PRTG: variants seen among roughly 807,000 people sequenced by gnomAD.
The protein encoded by PRTG is immunoglobulin superfamily, DCC subclass, member 5.
A neutral mutation model predicts 122.5 loss-of-function variants in PRTG; 67 were observed. The observed-to-expected ratio is 0.55, with a 90% confidence interval of 0.45 to 0.67. PRTG has a LOEUF of 0.67. Among genes scored for constraint, PRTG ranks in the 30% least tolerant of loss-of-function variants. The pLI, the probability that PRTG is intolerant of heterozygous loss-of-function variation, is 0.00. For missense variants in PRTG, 1,435 were observed against 1,415.4 expected, an observed-to-expected ratio of 1.01 and a Z score of -0.22; for synonymous variants, 554 against 501.1, an observed-to-expected ratio of 1.11 and a Z score of -1.41.
chr15:55,628,233 C>T (rs953473714), intron 16 of PRTG, among the ~76,000 whole-genome samples: 1 of 152,122 alleles, frequency 6.6e-6, no homozygotes, highest in African/African-American at 2.4e-5. Context: ...TCTCCACAAG[C>T]CTACTCCCCC....
chr15:55,653,656 G>GT (rs1361439447), intron 11 of PRTG, among the ~76,000 whole-genome samples: 1 of 152,086 alleles, frequency 6.6e-6, no homozygotes, highest in Admixed American at 6.5e-5. Flanking sequence ...TAGAGACGGG[G>GT]TTTTGCCCTG....
chr15:55,699,793 A>C (rs1175085662), intron 2 of PRTG, among the ~76,000 whole-genome samples: 1 of 152,192 alleles, frequency 6.6e-6, no homozygotes, highest in Non-Finnish European at 1.5e-5. Context: ...AGAACCCTTC[A>C]TCCAGGAACT....
chr15:55,705,854 C>CTTTT (rs33973404), intron 2 of PRTG, among the ~76,000 whole-genome samples: 11 of 125,422 alleles, frequency 8.8e-5, no homozygotes, highest in South Asian at 2.6e-4. Context: ...ACTTGCTATT[C>CTTTT]TTTTTTTTTT....
At chr15:55,742,811 A>G in intron 1 of PRTG, 27 bp downstream of exon 1, 1 of 1,540,610 alleles carries the variant, frequency 6.5e-7, no homozygotes, top group South Asian at 1.2e-5. Context: ...CACAGCGGTA[A>G]GAGAAAGCAG....
rs570149933 is a variant in PRTG at position 55,611,657 on chromosome 15, T to C, written c.*8355A>G. 6.6e-6 allele frequency: 1 copy of C among 152,078 alleles called. No homozygotes were observed. The highest frequency in any genetic ancestry group is 2.4e-5 in the African/African-American group (1 of 41,486). The allele number at this position is 152,078 out of a possible 1,614,324, so 9.4% of individuals were successfully genotyped here. A position where few individuals can be genotyped will look rare whatever the true frequency, so the allele number is the denominator to read the frequency against. ...TTTTATTCATTTTTGGCATGACCTA[T>C]AGGGTAGTATATAAACTACCCAGTG... On this transcript the variant is annotated 3_prime_UTR_variant, in exon 20 of 20. Transcript: ENST00000389286.
chr15:55,655,125 C>A (rs771950168), intron 11 of PRTG: 1 of 152,116 alleles, frequency 6.6e-6, no homozygotes, highest in African/African-American at 2.4e-5. Context: ...TTAAAACTCA[C>A]AAGAAACAGT....
chr15:55,733,941 G>A (rs570905087), intron 2 of PRTG, among the ~76,000 whole-genome samples: 1 of 152,318 alleles, frequency 6.6e-6, no homozygotes, highest in African/African-American at 2.4e-5. Context: ...GATAGAAACA[G>A]TTAAAGTAAC....
At chr15:55,713,376 T>C (rs939957710) in intron 2 of PRTG, among the ~76,000 whole-genome samples, 1 of 152,230 alleles carries the variant, frequency 6.6e-6, no homozygotes, top group Admixed American at 6.5e-5. Context: ...GAGAGACATG[T>C]AAGTTGTTTC....
chr15:55,686,185 G>GA (rs887515561), intron 2 of PRTG, among the ~76,000 whole-genome samples: 3 of 151,944 alleles, frequency 2.0e-5, no homozygotes, highest in African/African-American at 7.2e-5. Context: ...ATCTTGGGGG[G>GA]AATTAGGACC....
intron 14 of PRTG, among the ~76,000 whole-genome samples, chr15:55,638,336 C>T (rs1332809587): frequency 6.6e-5 from 10 of 151,880 alleles, no homozygotes; most frequent in Non-Finnish European, 1.2e-4. Context: ...TTTAAGCCTA[C>T]GTGCTTGCAC....
intron 11 of PRTG, among the ~76,000 whole-genome samples, chr15:55,652,375 T>C (rs1429992368): frequency 6.6e-6 from 1 of 152,162 alleles, no homozygotes; most frequent in Non-Finnish European, 1.5e-5. Context: ...GGATGAAACC[T>C]AGTGTCTAGC....
intron 11 of PRTG, among the ~76,000 whole-genome samples, chr15:55,668,258 A>G (rs16976450): frequency 0.17 from 26,540 of 152,152 alleles, 3,315 homozygotes; most frequent in East Asian, 0.55. Flanking sequence ...CAGTGTCCTA[A>G]ATGTTAAACA....
Position 55,700,676 on chromosome 15 carries a change from G to A in PRTG, c.398-16745C>T, listed in dbSNP as rs57307647. On this transcript the variant is annotated intron_variant, in intron 2 of 19. Coordinates refer to ENST00000389286, the MANE Select transcript of PRTG (RefSeq NM_173814.6). Reference sequence around the variant, plus strand: ...TGTGCCTGCGCTCCCAGATACTTGGGAGGCCGGAGTAGGAGGATCACTGGA... The same window carrying A: ...TGTGCCTGCGCTCCCAGATACTTGGAAGGCCGGAGTAGGAGGATCACTGGA... Among the ~76,000 whole-genome samples the A allele has an allele frequency of 3.2e-3, 481 of 152,242 alleles. 3 individuals carry two copies. The highest frequency in any genetic ancestry group is 0.01 in the African/African-American group (427 of 41,530).
At chr15:55,638,519 A>G in intron 14 of PRTG, 30 bp downstream of exon 14, 1 of 1,547,192 alleles carries the variant, frequency 6.5e-7, no homozygotes, top group Non-Finnish European at 8.7e-7. Flanking sequence ...TTTTTTAAAG[A>G]TAAAATCTAT....
chr15:55,688,705 G>A (rs530379347), intron 2 of PRTG, among the ~76,000 whole-genome samples: 24 of 152,252 alleles, frequency 1.6e-4, no homozygotes, highest in African/African-American at 5.5e-4. Flanking sequence ...GTTGTGGTGC[G>A]TACCTGTAGT....
chr15:55,702,675 G>T (rs1218511764), intron 2 of PRTG, among the ~76,000 whole-genome samples: 1 of 152,192 alleles, frequency 6.6e-6, no homozygotes, highest in East Asian at 1.9e-4. Flanking sequence ...TAGAGGAACA[G>T]GAGGAGCCAG....
chr15:55,656,636 T>C (rs1460157374), intron 11 of PRTG, among the ~76,000 whole-genome samples: 2 of 152,166 alleles, frequency 1.3e-5, no homozygotes, highest in Non-Finnish European at 2.9e-5. Flanking sequence ...GCCTCCCAAG[T>C]AGCTGGGACT....
chr15:55,650,837 C>T (rs186054133), intron 11 of PRTG, among the ~76,000 whole-genome samples: 16 of 152,198 alleles, frequency 1.1e-4, no homozygotes, highest in Non-Finnish European at 1.9e-4. Context: ...CATGATAGTG[C>T]ATTCCTATAG....
At chr15:55,650,375 G>A (rs950201333) in intron 11 of PRTG, among the ~76,000 whole-genome samples, 1 of 152,180 alleles carries the variant, frequency 6.6e-6, no homozygotes, top group African/African-American at 2.4e-5. Context: ...CTTCACAGAG[G>A]AGGTGGCATT....
Sources: gnomAD v4.1 joint callset for allele counts (sites outside exome capture counted in the v4.1 genomes callset) on GRCh38, gnomAD v4.1.1 for gene constraint, MANE v1.5 for transcripts, NCBI Gene and HGNC (gene_info 2026-07-23, HGNC 2026-07-21) for gene names.